Variants in HS6ST3 observed in about 807,000 individuals in gnomAD.
HS6ST3 encodes heparan sulfate 6-O-sulfotransferase 3, also known as heparan-sulfate 6-O-sulfotransferase 3.
A neutral mutation model predicts 36.7 loss-of-function variants in HS6ST3; 12 were observed. The ratio of observed to expected loss-of-function variants is 0.33; its 90% CI spans 0.21 to 0.53. The LOEUF is 0.53. Ranked by LOEUF, HS6ST3 falls within the 20% of genes least tolerant of loss-of-function variation. The pLI, the probability that HS6ST3 is intolerant of heterozygous loss-of-function variation, is 0.95. For missense variants in HS6ST3, 584 were observed against 640.9 expected, an observed-to-expected ratio of 0.91 and a Z score of 0.96; for synonymous variants, 240 against 257.5, an observed-to-expected ratio of 0.93 and a Z score of 0.65.
At chr13:96,250,689 C>A (rs988845201) in intron 1 of HS6ST3, among the ~76,000 whole-genome samples, 6 of 152,234 alleles carry the variant, frequency 3.9e-5, no homozygotes, top group Non-Finnish European at 4.4e-5. Flanking sequence ...TACAGAGGGC[C>A]TAGGAATACA....
intron 1 of HS6ST3, among the ~76,000 whole-genome samples, chr13:96,367,963 G>A (rs897948727): frequency 2.6e-5 from 4 of 152,148 alleles, no homozygotes; most frequent in Admixed American, 1.3e-4. Flanking sequence ...TGATGTTTAT[G>A]GTTTTTTCCT....
intron 1 of HS6ST3, among the ~76,000 whole-genome samples, chr13:96,352,943 A>G (rs942145166): frequency 3.1e-4 from 47 of 152,206 alleles, no homozygotes; most frequent in African/African-American, 1.1e-3. Flanking sequence ...GTCCCACATT[A>G]AGTGGCAGAG....
At chr13:96,618,739 T>C (rs2138993237) in intron 1 of HS6ST3, among the ~76,000 whole-genome samples, 1 of 152,342 alleles carries the variant, frequency 6.6e-6, no homozygotes, top group South Asian at 2.1e-4. Context: ...TCACTATTTC[T>C]GCCACCTTTT....
At chr13:96,290,827 T>C (rs2054826182) in intron 1 of HS6ST3, among the ~76,000 whole-genome samples, 1 of 152,158 alleles carries the variant, frequency 6.6e-6, no homozygotes, top group Admixed American at 6.5e-5. Context: ...TTGTCACCTC[T>C]CTGATTTCGT....
chr13:96,302,875 A>AGC (rs1424928339), intron 1 of HS6ST3, among the ~76,000 whole-genome samples: 3 of 152,176 alleles, frequency 2.0e-5, no homozygotes, highest in Non-Finnish European at 4.4e-5. Flanking sequence ...ATTTTATCCT[A>AGC]GAACAGGAGT....
At chr13:96,165,938 T>C (rs114380183) in intron 1 of HS6ST3, among the ~76,000 whole-genome samples, 3,948 of 152,230 alleles carry the variant, frequency 0.026, 65 homozygotes, top group South Asian at 0.055. Context: ...AGGCTTTATT[T>C]AAGGCTGTTG....
chr13:96,790,076 C>G (rs982384962), intron 1 of HS6ST3, among the ~76,000 whole-genome samples: 1 of 151,798 alleles, frequency 6.6e-6, no homozygotes, highest in African/African-American at 2.4e-5. Flanking sequence ...TGTGAGTCCA[C>G]AAGGCACTGG....
At chr13:96,752,722 A>G (rs1876730162) in intron 1 of HS6ST3, among the ~76,000 whole-genome samples, 1 of 151,942 alleles carries the variant, frequency 6.6e-6, no homozygotes, top group Non-Finnish European at 1.5e-5. Flanking sequence ...TATGTTGTAA[A>G]TATTTTCCCC....
intron 1 of HS6ST3, among the ~76,000 whole-genome samples, chr13:96,366,131 C>A (rs577900001): frequency 5.9e-5 from 9 of 152,192 alleles, no homozygotes; most frequent in Non-Finnish European, 1.2e-4. Flanking sequence ...TCTTTGAATT[C>A]TTTTCAGATA....
intron 1 of HS6ST3, among the ~76,000 whole-genome samples, chr13:96,347,775 C>A (rs2055162704): frequency 6.6e-6 from 1 of 152,092 alleles, no homozygotes; most frequent in East Asian, 1.9e-4. Context: ...CTATTGGATC[C>A]CAGTCGAATG....
chr13:96,770,205 A>G (rs1374576994), intron 1 of HS6ST3, among the ~76,000 whole-genome samples: 4 of 152,192 alleles, frequency 2.6e-5, no homozygotes, highest in Admixed American at 2.0e-4. Flanking sequence ...GTGTGCAGTT[A>G]TTGGTTCTGA....
chr13:96,600,714 A>G (rs1212382772), intron 1 of HS6ST3, among the ~76,000 whole-genome samples: 2 of 152,036 alleles, frequency 1.3e-5, no homozygotes, highest in Non-Finnish European at 1.5e-5. Context: ...CATAATAATT[A>G]TTATCTAGTT....
chr13:96,571,579 T>C (rs2056301230), intron 1 of HS6ST3, among the ~76,000 whole-genome samples: 1 of 152,212 alleles, frequency 6.6e-6, no homozygotes. Flanking sequence ...CAAATTAATC[T>C]CCAAGATTCT....
chr13:96,568,209 G>T (rs927566289), intron 1 of HS6ST3, among the ~76,000 whole-genome samples: 1 of 152,150 alleles, frequency 6.6e-6, no homozygotes, highest in Non-Finnish European at 1.5e-5. Flanking sequence ...TAGTGACATG[G>T]TTAGATATTC....
intron 1 of HS6ST3, among the ~76,000 whole-genome samples, chr13:96,790,541 A>C (rs991540502): frequency 2.6e-5 from 4 of 152,062 alleles, no homozygotes; most frequent in African/African-American, 9.7e-5. Context: ...GTCCAAAAAT[A>C]TTCTAACTTA....
intron 1 of HS6ST3, among the ~76,000 whole-genome samples, chr13:96,750,216 A>T (rs935324428): frequency 3.3e-5 from 5 of 152,224 alleles, no homozygotes; most frequent in African/African-American, 1.2e-4. Flanking sequence ...TGGTAAAAAA[A>T]CTCATAAAGT....
chr13:96,581,313 G>A (rs141339300), intron 1 of HS6ST3, among the ~76,000 whole-genome samples: 8 of 151,156 alleles, frequency 5.3e-5, no homozygotes, highest in East Asian at 2.0e-4. Flanking sequence ...TCTGCCTCCC[G>A]GGTTTAAGCG....
At chr13:96,275,104 C>G (rs941446068) in intron 1 of HS6ST3, among the ~76,000 whole-genome samples, 1 of 152,120 alleles carries the variant, frequency 6.6e-6, no homozygotes, top group Admixed American at 6.6e-5. Context: ...TCCTACAGCT[C>G]TGAAGATACC....
At chr13:96,144,348 T>C (rs1456433552) in intron 1 of HS6ST3, among the ~76,000 whole-genome samples, 1 of 152,166 alleles carries the variant, frequency 6.6e-6, no homozygotes, top group Non-Finnish European at 1.5e-5. Flanking sequence ...TCCAAACTTT[T>C]GATGCATAAA....
Sources: gnomAD v4.1 joint callset for allele counts (sites outside exome capture counted in the v4.1 genomes callset) on GRCh38, gnomAD v4.1.1 for gene constraint, MANE v1.5 for transcripts, NCBI Gene and HGNC (gene_info 2026-07-23, HGNC 2026-07-21) for gene names.